Variants in PRELID2 observed in about 807,000 individuals in gnomAD.
PRELID2 encodes PRELI domain-containing protein 2.
A neutral mutation model predicts 28.4 loss-of-function variants in PRELID2; 25 were observed. That is an observed-to-expected ratio of 0.88 (90% CI 0.64 to 1.23). The LOEUF is 1.23. Among genes scored for constraint, PRELID2 ranks in the 50% most tolerant of loss-of-function variants. PRELID2 has a pLI of 0.00. For missense variants in PRELID2, 201 were observed against 214.4 expected, an observed-to-expected ratio of 0.94 and a Z score of 0.39; for synonymous variants, 76 against 71.6, an observed-to-expected ratio of 1.06 and a Z score of -0.31.
the PRELID2 span, among the ~76,000 whole-genome samples, chr5:145,344,210 A>C: frequency 6.6e-6 from 1 of 152,050 alleles, no homozygotes; most frequent in African/African-American, 2.4e-5. Flanking sequence ...ACAACAACAA[A>C]TTATAGGCCA....
intron 1 of PRELID2, among the ~76,000 whole-genome samples, chr5:145,666,004 A>G (rs1411430613): frequency 6.7e-6 from 1 of 148,606 alleles, no homozygotes; most frequent in Non-Finnish European, 1.5e-5. Context: ...AAAAAAAAAG[A>G]AAGAAAGAAA....
the PRELID2 span, among the ~76,000 whole-genome samples, chr5:145,378,490 T>C: frequency 6.6e-6 from 1 of 152,200 alleles, no homozygotes; most frequent in Non-Finnish European, 1.5e-5. Flanking sequence ...TTTCTTGTCA[T>C]TCTTTTTTCT....
intron 1 of PRELID2, among the ~76,000 whole-genome samples, chr5:145,661,914 C>G (rs188925920): frequency 4.7e-4 from 71 of 152,166 alleles, no homozygotes; most frequent in Admixed American, 4.6e-3. Flanking sequence ...CATCTCAGAA[C>G]AGTGTAAAGA....
downstream of PRELID2, among the ~76,000 whole-genome samples, chr5:145,467,839 T>C (rs1019877702): frequency 6.6e-6 from 1 of 151,982 alleles, no homozygotes. Context: ...TATGCTTTTT[T>C]ATTTTTAAGT....
intron 1 of PRELID2, among the ~76,000 whole-genome samples, chr5:145,535,840 C>G (rs1752693607): frequency 1.3e-5 from 2 of 151,892 alleles, no homozygotes; most frequent in Non-Finnish European, 2.9e-5. Context: ...TTAGTTCTGA[C>G]ATGTCACATA....
At chr5:145,384,852 C>G in the PRELID2 span, among the ~76,000 whole-genome samples, 1 of 152,124 alleles carries the variant, frequency 6.6e-6, no homozygotes, top group African/African-American at 2.4e-5. Context: ...AGGAGAGCAC[C>G]AACGGTATGG....
intron 1 of PRELID2, among the ~76,000 whole-genome samples, chr5:145,608,289 G>A (rs930852307): frequency 6.6e-6 from 1 of 152,118 alleles, no homozygotes; most frequent in African/African-American, 2.4e-5. Context: ...TCATCATGTT[G>A]TTAGCTGGTT....
the PRELID2 span, among the ~76,000 whole-genome samples, chr5:145,325,553 G>T: frequency 6.6e-6 from 1 of 152,096 alleles, no homozygotes; most frequent in Non-Finnish European, 1.5e-5. Context: ...TTTTACAAGG[G>T]ACTTAAAATA....
At chr5:145,259,137 T>C in the PRELID2 span, among the ~76,000 whole-genome samples, 1 of 152,102 alleles carries the variant, frequency 6.6e-6, no homozygotes, top group Non-Finnish European at 1.5e-5. Flanking sequence ...TTCACCTAGA[T>C]TTTAGAGGAT....
At chr5:145,768,942 A>G (rs1308429085) in intron 5 of PRELID2, among the ~76,000 whole-genome samples, 1 of 152,194 alleles carries the variant, frequency 6.6e-6, no homozygotes, top group Non-Finnish European at 1.5e-5. Context: ...AAAAGAAAAA[A>G]AAACACCTAA....
intron 4 of PRELID2, among the ~76,000 whole-genome samples, chr5:145,811,226 C>G (rs554811659): frequency 2.0e-4 from 30 of 151,904 alleles, no homozygotes; most frequent in Admixed American, 3.3e-4. Flanking sequence ...AATTGCCTCC[C>G]ACTGGGTCCT....
intron 1 of PRELID2, among the ~76,000 whole-genome samples, chr5:145,600,884 G>A (rs1164841459): frequency 6.6e-6 from 1 of 152,200 alleles, no homozygotes; most frequent in Non-Finnish European, 1.5e-5. Context: ...TGGTGTGATG[G>A]CTTATTCCTT....
chr5:145,461,582 G>A, the PRELID2 span, among the ~76,000 whole-genome samples: 3 of 152,204 alleles, frequency 2.0e-5, no homozygotes, highest in Non-Finnish European at 1.5e-5. Flanking sequence ...GGTTATAGGC[G>A]TGAGCCATCG....
chr5:145,276,010 C>T, the PRELID2 span, among the ~76,000 whole-genome samples: 2 of 152,096 alleles, frequency 1.3e-5, no homozygotes, highest in Non-Finnish European at 2.9e-5. Context: ...CAGGACATGA[C>T]AAGTTTTATC....
chr5:145,246,179 C>G, the PRELID2 span, among the ~76,000 whole-genome samples: 4 of 151,916 alleles, frequency 2.6e-5, no homozygotes, highest in Non-Finnish European at 5.9e-5. Flanking sequence ...TGTCACGTGT[C>G]TTTCTAAGAA....
chr5:145,710,377 T>G (rs1183137413), intron 1 of PRELID2, among the ~76,000 whole-genome samples: 1 of 152,202 alleles, frequency 6.6e-6, no homozygotes, highest in Non-Finnish European at 1.5e-5. Flanking sequence ...GCCATTAACC[T>G]TGGGAAAACA....
the PRELID2 span, among the ~76,000 whole-genome samples, chr5:145,303,117 C>T: frequency 6.6e-6 from 1 of 152,102 alleles, no homozygotes; most frequent in Non-Finnish European, 1.5e-5. Flanking sequence ...AACTTCAGAA[C>T]CTGACAACAA....
chr5:145,383,224 CAAAT>C, the PRELID2 span, among the ~76,000 whole-genome samples: 1 of 151,456 alleles, frequency 6.6e-6, no homozygotes, highest in Non-Finnish European at 1.5e-5. Context: ...ATCTTACACT[CAAAT>C]ATATATATAC....
chr5:145,379,251 G>A, the PRELID2 span, among the ~76,000 whole-genome samples: 2 of 152,176 alleles, frequency 1.3e-5, no homozygotes, highest in Non-Finnish European at 2.9e-5. Context: ...TCCAATGGGT[G>A]GTGTCAGCCA....
Sources: gnomAD v4.1 joint callset for allele counts (sites outside exome capture counted in the v4.1 genomes callset) on GRCh38, gnomAD v4.1.1 for gene constraint, MANE v1.5 for transcripts, NCBI Gene and HGNC (gene_info 2026-07-23, HGNC 2026-07-21) for gene names.